WWOX: variants seen among roughly 807,000 people sequenced by gnomAD.
WWOX encodes the protein WW domain containing oxidoreductase.
WWOX carries 69 observed loss-of-function variants against 46.2 expected under a neutral mutation model. That is an observed-to-expected ratio of 1.49 (90% CI 1.23 to 1.82). The LOEUF is 1.82. WWOX is among the 40% of genes most tolerant of loss of function. The pLI, the probability that WWOX is intolerant of heterozygous loss-of-function variation, is 0.00. For missense variants in WWOX, 919 were observed against 542.6 expected (o/e 1.69, Z -6.89); for synonymous variants, 359 against 202.6 (o/e 1.77, Z -6.56).
chr16:78,347,877 G>C (rs11646767), intron 5 of WWOX, among the ~76,000 whole-genome samples: 63,322 of 120,158 alleles, frequency 0.53, 25,080 homozygotes, highest in African/African-American at 0.62. Context: ...CTTAAATGTT[G>C]TACATATCTT....
At chr16:78,661,415 C>G (rs2047209342) in intron 8 of WWOX, among the ~76,000 whole-genome samples, 1 of 152,032 alleles carries the variant, frequency 6.6e-6, no homozygotes, top group Non-Finnish European at 1.5e-5. Context: ...TTTTTTTTCC[C>G]CTTTCAATAC....
chr16:78,956,383 G>T (rs1306848923), intron 8 of WWOX, among the ~76,000 whole-genome samples: 1 of 152,022 alleles, frequency 6.6e-6, no homozygotes, highest in East Asian at 1.9e-4. Flanking sequence ...TCTAACTCCT[G>T]ACCTCAAGTG....
chr16:78,676,803 G>A (rs561842465), intron 8 of WWOX, among the ~76,000 whole-genome samples: 1 of 152,116 alleles, frequency 6.6e-6, no homozygotes, highest in African/African-American at 2.4e-5. Flanking sequence ...TTTGAATACT[G>A]ATGAACTTTA....
chr16:78,101,185 C>G (rs942854618), intron 1 of WWOX, among the ~76,000 whole-genome samples: 1 of 148,202 alleles, frequency 6.7e-6, no homozygotes, highest in African/African-American at 2.5e-5. Flanking sequence ...GTAGCTGGGA[C>G]TACAGGCGCC....
intron 8 of WWOX, among the ~76,000 whole-genome samples, chr16:78,829,304 A>G (rs921873726): frequency 2.0e-5 from 3 of 152,216 alleles, no homozygotes; most frequent in African/African-American, 7.2e-5. Flanking sequence ...CCAAAGGCAG[A>G]AGACAAGCAT....
intron 8 of WWOX, among the ~76,000 whole-genome samples, chr16:78,602,836 T>C (rs1430571831): frequency 6.6e-6 from 1 of 152,200 alleles, no homozygotes; most frequent in Non-Finnish European, 1.5e-5. Flanking sequence ...ATTTTACAGA[T>C]AAGAAAATTG....
In WWOX at chr16:78,428,180, C is replaced by T. The variant is rs185043566; in HGVS notation, c.791+3125C>T. 1.3e-3 allele frequency among the ~76,000 whole-genome samples: 201 copies of T among 152,328 alleles called. 1 individual carries two copies. The highest frequency in any genetic ancestry group is 4.7e-3 in the African/African-American group (196 of 41,582). Reference sequence around the variant, plus strand: ...GTGTTACTGTCCACAGAGCAAATGTCAATATTTTAATGTACTAGTAAGGGA... The same window carrying T: ...GTGTTACTGTCCACAGAGCAAATGTTAATATTTTAATGTACTAGTAAGGGA... On this transcript the variant is annotated intron_variant, in intron 7 of 8. Transcript: ENST00000566780.
intron 8 of WWOX, among the ~76,000 whole-genome samples, chr16:78,735,081 G>T (rs957831585): frequency 6.6e-6 from 1 of 151,274 alleles, no homozygotes; most frequent in Non-Finnish European, 1.5e-5. Context: ...TGGCCAGGCT[G>T]GTCTCGAACT....
chr16:78,732,155 A>G (rs1201130876), intron 8 of WWOX, among the ~76,000 whole-genome samples: 1 of 151,996 alleles, frequency 6.6e-6, no homozygotes, highest in East Asian at 1.9e-4. Flanking sequence ...TGAGCCCCCA[A>G]CCCCAAAACT....
At chr16:78,960,194 A>T (rs1318005433) in intron 8 of WWOX, among the ~76,000 whole-genome samples, 2 of 152,132 alleles carry the variant, frequency 1.3e-5, no homozygotes, top group East Asian at 3.9e-4. Flanking sequence ...AAAAGATAGT[A>T]CCTGACTTGT....
intron 4 of WWOX, among the ~76,000 whole-genome samples, chr16:78,137,487 C>T (rs1426291060): frequency 6.6e-6 from 1 of 152,134 alleles, no homozygotes; most frequent in Non-Finnish European, 1.5e-5. Flanking sequence ...TGTGTTAGTC[C>T]ATGAGGAATT....
intron 8 of WWOX, among the ~76,000 whole-genome samples, chr16:79,186,460 C>G (rs1157798646): frequency 2.0e-5 from 3 of 152,142 alleles, no homozygotes; most frequent in African/African-American, 7.2e-5. Flanking sequence ...CGGCCTTCTC[C>G]CTGTGTGTTT....
At chr16:78,599,226 T>G (rs1343554847) in intron 8 of WWOX, among the ~76,000 whole-genome samples, 1 of 152,194 alleles carries the variant, frequency 6.6e-6, no homozygotes, top group Non-Finnish European at 1.5e-5. Flanking sequence ...TCTTGCACAT[T>G]TTCCTTTTGA....
chr16:78,706,157 A>G (rs1040894963), intron 8 of WWOX, among the ~76,000 whole-genome samples: 6 of 144,230 alleles, frequency 4.2e-5, no homozygotes, highest in South Asian at 2.2e-4. Flanking sequence ...AGGCATTTCC[A>G]TCTTATCAAG....
At chr16:78,370,220 CTTTACAATCTGGG>C (rs2081640508) in intron 5 of WWOX, among the ~76,000 whole-genome samples, 1 of 150,412 alleles carries the variant, frequency 6.6e-6, no homozygotes, top group South Asian at 2.1e-4. Context: ...TGTAAACTCT[CTTTACAATCTGGG>C]GCAAGTTAGC....
intron 5 of WWOX, among the ~76,000 whole-genome samples, chr16:78,329,100 A>T (rs1261904903): frequency 6.6e-6 from 1 of 152,056 alleles, no homozygotes; most frequent in Non-Finnish European, 1.5e-5. Flanking sequence ...ATCTCACATG[A>T]TTCACCAACC....
intron 8 of WWOX, among the ~76,000 whole-genome samples, chr16:78,809,333 A>T (rs1274235300): frequency 6.6e-6 from 1 of 151,828 alleles, no homozygotes; most frequent in Non-Finnish European, 1.5e-5. Flanking sequence ...AAAAAAAGAA[A>T]AAACCACCGT....
At chr16:78,183,300 A>G (rs1416371818) in intron 5 of WWOX, among the ~76,000 whole-genome samples, 1 of 152,166 alleles carries the variant, frequency 6.6e-6, no homozygotes, top group East Asian at 1.9e-4. Context: ...CAAGGCCTGT[A>G]TTATGGCCCA....
At chr16:78,678,582 A>G (rs2047657743) in intron 8 of WWOX, among the ~76,000 whole-genome samples, 1 of 152,194 alleles carries the variant, frequency 6.6e-6, no homozygotes, top group Non-Finnish European at 1.5e-5. Context: ...TGATAATTGT[A>G]TAAAGAACTA....
Sources: allele counts gnomAD v4.1 joint callset (sites outside exome capture counted in the v4.1 genomes callset), GRCh38; gene constraint gnomAD v4.1.1; transcripts MANE v1.5; gene names NCBI Gene and HGNC (gene_info 2026-07-23, HGNC 2026-07-21).